The following KANSL1 variants were observed in gnomAD, a reference collection of about 807,000 sequenced individuals.
KANSL1 encodes the protein MLL1/MLL complex subunit KANSL1.
In KANSL1, 22 loss-of-function variants were observed where a neutral mutation model predicts 103.6. That is an observed-to-expected ratio of 0.21 (90% confidence interval 0.15 to 0.30). The LOEUF is 0.30. Ranked by LOEUF, KANSL1 falls within the 10% of genes least tolerant of loss-of-function variation. The probability of loss-of-function intolerance (pLI) is 1.00; values close to 1 mark genes in which losing one functional copy is unlikely to be tolerated. For missense variants in KANSL1, 1,337 were observed against 1,399.8 expected (o/e 0.96, Z 0.72); for synonymous variants, 600 against 527.6 (o/e 1.14, Z -1.88).
At chr17:46,138,869 G>T (rs1396111942) in intron 2 of KANSL1, among the ~76,000 whole-genome samples, 2 of 152,188 alleles carry the variant, frequency 1.3e-5, no homozygotes, top group African/African-American at 4.8e-5. Flanking sequence ...AAGTCATGAA[G>T]TAACATACAT....
chr17:46,105,945 A>ACCC (rs1255596930), intron 2 of KANSL1, among the ~76,000 whole-genome samples: 1 of 90,354 alleles, frequency 1.1e-5, no homozygotes, highest in East Asian at 2.5e-4. Context: ...ACACACACAC[A>ACCC]CACCCCCCCA....
chr17:46,064,850 T>A (rs1235055479), intron 6 of KANSL1, among the ~76,000 whole-genome samples: 1 of 151,224 alleles, frequency 6.6e-6, no homozygotes, highest in Non-Finnish European at 1.5e-5. Context: ...CTCTATTGCA[T>A]TTCTCTCTCC....
chr17:46,054,181 T>C (rs979684649), intron 6 of KANSL1, among the ~76,000 whole-genome samples: 1 of 152,116 alleles, frequency 6.6e-6, no homozygotes, highest in Admixed American at 6.5e-5. Flanking sequence ...GCCTACCAAG[T>C]AGCTGGGATT....
chr17:46,194,164 G>T (rs2047523847), upstream of KANSL1, among the ~76,000 whole-genome samples: 1 of 152,252 alleles, frequency 6.6e-6, no homozygotes, highest in Admixed American at 6.5e-5. Flanking sequence ...GGCCCCGCCG[G>T]CGCCGGGCCC....
chr17:46,112,566 T>G (rs1265753638), intron 2 of KANSL1, among the ~76,000 whole-genome samples: 1 of 151,696 alleles, frequency 6.6e-6, no homozygotes, highest in Non-Finnish European at 1.5e-5. Flanking sequence ...GTGCCTGTAG[T>G]ATCAGCTACT....
At chr17:46,096,311 C>CTTTCTTTCTTTCTTTTTTTTT (rs753073992) in intron 2 of KANSL1, among the ~76,000 whole-genome samples, 1,586 of 75,986 alleles carry the variant, frequency 0.021, 51 homozygotes, top group Non-Finnish European at 0.031. Context: ...GCTTTTTTTT[C>CTTTCTTTCTTTCTTTTTTTTT]TTTTTTTTTT....
chr17:46,170,829 T>C, intron 2 of KANSL1, 26 bp downstream of exon 2: 2 of 1,551,102 alleles, frequency 1.3e-6, no homozygotes, highest in Non-Finnish European at 1.7e-6. Flanking sequence ...TTCTCAAGAA[T>C]GCTATCATGC....
At chr17:46,070,095 T>G (rs533727011) in intron 4 of KANSL1, among the ~76,000 whole-genome samples, 22 of 152,182 alleles carry the variant, frequency 1.4e-4, no homozygotes, top group Non-Finnish European at 3.1e-4. Context: ...GACAAAATAT[T>G]CTAACCAATT....
chr17:46,086,527 C>A (rs1385486347), intron 3 of KANSL1, among the ~76,000 whole-genome samples: 1 of 152,186 alleles, frequency 6.6e-6, no homozygotes, highest in Non-Finnish European at 1.5e-5. Context: ...CCTAACCCAT[C>A]CTTCAAAGTG....
rs750772329 is a variant in KANSL1, at chr17:46,172,248, G to A, written c.-89-16C>T. ...AGAGAACAGACTAGAAGAGAAAGGA[G>A]AAAAGAATATTAGAAATACAAGCAC... On this transcript the variant is annotated splice_polypyrimidine_tract_variant and intron_variant, in intron 1 of 14. Transcript: ENST00000432791. 4.8e-5 allele frequency: 53 copies of A among 1,104,458 alleles called. No homozygotes were observed. The highest frequency in any genetic ancestry group is 6.5e-5 in the Non-Finnish European group (52 of 794,906). 68.4% of individuals were successfully genotyped at this position (1,104,458 alleles called of 1,614,324 possible).
At chr17:46,046,603 C>T (rs2077516823) in intron 7 of KANSL1, among the ~76,000 whole-genome samples, 1 of 145,710 alleles carries the variant, frequency 6.9e-6, no homozygotes, top group Non-Finnish European at 1.5e-5. Flanking sequence ...TTTGGGAGGC[C>T]AAGACGGGTG....
chr17:46,067,453 T>C lies in KANSL1; in HGVS notation c.1652+96A>G. On this transcript the variant is annotated intron_variant, in intron 5 of 14. Coordinates refer to ENST00000432791, the MANE Select transcript of KANSL1 (RefSeq NM_015443.4). ...TACTAAGTGATAAGGCTTCCGCTTC[T>C]TTAAACCAGGGTCAGTCCTGGCTAA... 4 of 775,462 alleles carry C rather than the reference T, an allele frequency of 5.2e-6. No individual in the cohort carries two copies. The South Asian group carries it at 6.0e-5, about 12-fold the overall frequency. 48.0% of individuals were successfully genotyped at this position (775,462 alleles called of 1,614,324 possible). A position where few individuals can be genotyped will look rare whatever the true frequency, so the allele number is the denominator to read the frequency against.
At chr17:46,039,415 C>T in intron 8 of KANSL1, 200 bp from the exon 9 acceptor site, 1 of 607,218 alleles carries the variant, frequency 1.6e-6, no homozygotes, top group African/African-American at 1.9e-5. Flanking sequence ...AAACATGTCA[C>T]CAGGATACAG....
At chr17:46,208,429 T>A (rs2048044105) in intron 1 of KANSL1, among the ~76,000 whole-genome samples, 1 of 151,642 alleles carries the variant, frequency 6.6e-6, no homozygotes, top group Non-Finnish European at 1.5e-5. Flanking sequence ...CTGGGCAACA[T>A]GGCAAGACCC....
chr17:46,124,701 T>A (rs1472290723), intron 2 of KANSL1, among the ~76,000 whole-genome samples: 1 of 152,128 alleles, frequency 6.6e-6, no homozygotes, highest in African/African-American at 2.4e-5. Context: ...CAACAGGAGT[T>A]TGGAAGAAGT....
At chr17:46,185,654 AACATATATATATAC>A (rs1039169615) in intron 1 of KANSL1, among the ~76,000 whole-genome samples, 2 of 142,544 alleles carry the variant, frequency 1.4e-5, no homozygotes, top group African/African-American at 5.0e-5. Flanking sequence ...GATCCCATTA[AACATATATATATAC>A]ACATATATAT....
chr17:46,090,252 A>T (rs1209680201), intron 3 of KANSL1, among the ~76,000 whole-genome samples: 1 of 152,240 alleles, frequency 6.6e-6, no homozygotes, highest in African/African-American at 2.4e-5. Flanking sequence ...TAGAGCCTCC[A>T]TAGAGACCAT....
intron 1 of KANSL1, among the ~76,000 whole-genome samples, chr17:46,191,290 T>G (rs981029863): frequency 2.0e-5 from 3 of 152,224 alleles, no homozygotes; most frequent in Non-Finnish European, 2.9e-5. Flanking sequence ...CAATTACTAC[T>G]CAAAAGTATT....
At chr17:46,084,670 G>A (rs114264641) in intron 3 of KANSL1, among the ~76,000 whole-genome samples, 270 of 114,228 alleles carry the variant, frequency 2.4e-3, no homozygotes, top group African/African-American at 9.2e-3. Flanking sequence ...CAACGAGAGC[G>A]AAACTCCACC....
Sources: allele counts gnomAD v4.1 joint callset (sites outside exome capture counted in the v4.1 genomes callset), GRCh38; gene constraint gnomAD v4.1.1; transcripts MANE v1.5; gene names NCBI Gene and HGNC (gene_info 2026-07-23, HGNC 2026-07-21).